The following KCNB2 variants were observed in gnomAD, a reference collection of about 807,000 sequenced individuals.
KCNB2 encodes the protein delayed rectifier potassium channel protein.
KCNB2 carries 15 observed loss-of-function variants against 61.5 expected under a neutral mutation model. The observed-to-expected ratio is 0.24, with a 90% CI of 0.16 to 0.38. The LOEUF is 0.38. Among genes scored for constraint, KCNB2 ranks in the 10% least tolerant of loss-of-function variants. KCNB2 has a pLI of 1.00. For synonymous variants in KCNB2, 457 were observed against 446.0 expected (o/e 1.02, Z -0.31); for missense variants, 828 against 1,125.2 (o/e 0.74, Z 3.78).
chr8:72,713,885 C>A (rs921448686), intron 2 of KCNB2, among the ~76,000 whole-genome samples: 3 of 152,004 alleles, frequency 2.0e-5, no homozygotes, highest in South Asian at 2.1e-4. Context: ...AAGTTCGAAA[C>A]AATGGCAAAG....
intron 2 of KCNB2, among the ~76,000 whole-genome samples, chr8:72,577,795 G>A (rs190114663): frequency 8.5e-5 from 13 of 152,244 alleles, no homozygotes; most frequent in African/African-American, 2.9e-4. Context: ...TGCAGCATCC[G>A]TCACTGCAAC....
chr8:72,756,706 T>C (rs1011471673), intron 2 of KCNB2, among the ~76,000 whole-genome samples: 2 of 152,104 alleles, frequency 1.3e-5, no homozygotes, highest in African/African-American at 4.8e-5. Flanking sequence ...ACAGCTCAGT[T>C]GGAAAGTTCC....
chr8:72,846,567 GAA>G (rs369361332), intron 2 of KCNB2, among the ~76,000 whole-genome samples: 2 of 148,482 alleles, frequency 1.3e-5, no homozygotes, highest in South Asian at 2.1e-4. Context: ...CAAAAAAAAA[GAA>G]AAAAAAAACC....
intron 2 of KCNB2, among the ~76,000 whole-genome samples, chr8:72,717,059 C>G (rs1469579809): frequency 6.6e-6 from 1 of 151,986 alleles, no homozygotes; most frequent in Non-Finnish European, 1.5e-5. Context: ...AACTCCCATT[C>G]ACAATTGCTT....
At chr8:72,733,142 C>A (rs1325587280) in intron 2 of KCNB2, among the ~76,000 whole-genome samples, 1 of 152,190 alleles carries the variant, frequency 6.6e-6, no homozygotes, top group African/African-American at 2.4e-5. Flanking sequence ...GTTATTTAGT[C>A]TGAGCAGATG....
intron 2 of KCNB2, among the ~76,000 whole-genome samples, chr8:72,762,194 C>T (rs1808393787): frequency 6.6e-6 from 1 of 152,218 alleles, no homozygotes; most frequent in Non-Finnish European, 1.5e-5. Context: ...CCACCTGCTT[C>T]GCAGCCAATG....
intron 2 of KCNB2, among the ~76,000 whole-genome samples, chr8:72,579,869 C>T (rs1170037671): frequency 6.6e-6 from 1 of 152,188 alleles, no homozygotes; most frequent in African/African-American, 2.4e-5. Context: ...CTGCTTCCTT[C>T]CCAGCCTGGG....
chr8:72,928,994 T>A (rs1210933260), intron 2 of KCNB2, among the ~76,000 whole-genome samples: 1 of 152,112 alleles, frequency 6.6e-6, no homozygotes, highest in African/African-American at 2.4e-5. Context: ...TCCAAACACA[T>A]CTCCAGCATT....
At chr8:72,782,088 C>A (rs1464901109) in intron 2 of KCNB2, among the ~76,000 whole-genome samples, 1 of 151,990 alleles carries the variant, frequency 6.6e-6, no homozygotes, top group Non-Finnish European at 1.5e-5. Context: ...ACATGCACAT[C>A]CTGCACATGT....
At chr8:72,904,078 C>T (rs769477681) in intron 2 of KCNB2, among the ~76,000 whole-genome samples, 3 of 151,968 alleles carry the variant, frequency 2.0e-5, no homozygotes, top group African/African-American at 4.8e-5. Context: ...TTTCCTTTCT[C>T]GTTTTTTATT....
At chr8:72,607,717 A>G (rs896077318) in intron 2 of KCNB2, among the ~76,000 whole-genome samples, 4 of 152,184 alleles carry the variant, frequency 2.6e-5, no homozygotes, top group Admixed American at 2.0e-4. Context: ...TCATTTCCAT[A>G]TTGAATAATT....
intron 2 of KCNB2, among the ~76,000 whole-genome samples, chr8:72,699,133 A>G (rs1397213398): frequency 6.6e-6 from 1 of 152,202 alleles, no homozygotes. Flanking sequence ...TCTATAATCT[A>G]TAAGGAACTT....
At chr8:72,923,891 G>T (rs570258024) in intron 2 of KCNB2, among the ~76,000 whole-genome samples, 1 of 152,212 alleles carries the variant, frequency 6.6e-6, no homozygotes, top group African/African-American at 2.4e-5. Context: ...TTAAAAATTG[G>T]CATTTATACT....
chr8:72,618,617 A>C (rs1805658478), intron 2 of KCNB2: 1 of 153,270 alleles, frequency 6.5e-6, no homozygotes, highest in African/African-American at 2.4e-5. Context: ...TCTCTTCTAA[A>C]AACACAGAAA....
At chr8:72,685,049 T>C (rs796589019) in intron 2 of KCNB2, among the ~76,000 whole-genome samples, 3 of 152,360 alleles carry the variant, frequency 2.0e-5, no homozygotes, top group African/African-American at 7.2e-5. Context: ...GAAGAAACTC[T>C]TCTCTGAAGT....
At chr8:72,765,464 A>T (rs1808445934) in intron 2 of KCNB2, among the ~76,000 whole-genome samples, 1 of 152,226 alleles carries the variant, frequency 6.6e-6, no homozygotes, top group South Asian at 2.1e-4. Flanking sequence ...CCCAAACCAC[A>T]GTGAGTGTAG....
chr8:72,568,163 A>G lies in KCNB2; in HGVS notation c.429A>G (p.Gln143=). ...CCTGCTGCCAGGCCAGATATCATCAAAAAAAAGAACAAATGAACGAAGAAC... is the reference window on the plus strand; with the variant it reads ...CCTGCTGCCAGGCCAGATATCATCAGAAAAAAGAACAAATGAACGAAGAAC... ...LESCCQARYH[Q]KKEQMNEELR... The change falls in exon 2 of 3, where the codon CAA becomes CAG. Residue 143 remains glutamine (Q), a synonymous_variant. Coordinates refer to ENST00000523207, the MANE Select transcript of KCNB2 (RefSeq NM_004770.3). 2 of 1,614,100 alleles carry G rather than the reference A, an allele frequency of 1.2e-6. No individual in the cohort carries two copies. Among genetic ancestry groups the G allele is most frequent in the Non-Finnish European group, 1.7e-6 (2 of 1,180,022 alleles).
At position 72,936,652 on chromosome 8, in the gene KCNB2, G is replaced by A. The variant is rs755831297; in HGVS notation, c.1297G>A (p.Ala433Thr). 6.2e-7 allele frequency: 1 copy of A among 1,614,144 alleles called. No homozygotes were observed. The highest frequency in any genetic ancestry group is 8.5e-7 in the Non-Finnish European group (1 of 1,180,018). The part of the protein sequence containing the change: ...FYKEQKRQEK[A>T]IKRREALERA... ...CAAGGAGCAGAAACGCCAAGAGAAA[G>A]CAATTAAAAGGAGGGAGGCTCTTGA... The change falls in exon 3 of 3, where the codon GCA becomes ACA. Residue 433 changes from alanine (A) to threonine (T), a missense_variant. Ala to Thr is a moderately conservative substitution (Grantham distance 58). This residue lies in a region of KCNB2 where 44 missense variants were observed against 167.6 expected (regional missense o/e 0.26). Coordinates refer to ENST00000523207, the MANE Select transcript of KCNB2 (RefSeq NM_004770.3). This position sits in a 1 kb window ranked among gnomAD's most constrained non-coding sequence, Gnocchi z 5.6.
At chr8:72,754,854 G>A (rs144272728) in intron 2 of KCNB2, among the ~76,000 whole-genome samples, 4 of 152,228 alleles carry the variant, frequency 2.6e-5, no homozygotes, top group Non-Finnish European at 5.9e-5. Context: ...CCCTCAAGGA[G>A]AGGGAGCAGA....
Sources: gnomAD v4.1 joint callset for allele counts (sites outside exome capture counted in the v4.1 genomes callset) on GRCh38, gnomAD v4.1.1 for gene constraint, gnomAD v4.1.1 regional missense constraint, Gnocchi (gnomAD v3.1) non-coding constraint, MANE v1.5 for transcripts, NCBI Gene and HGNC (gene_info 2026-07-23, HGNC 2026-07-21) for gene names.